PARVG: variants seen among roughly 807,000 people sequenced by gnomAD.
PARVG encodes parvin gamma, also known as gamma-parvin.
In PARVG, 36 loss-of-function variants were observed where a neutral mutation model predicts 44.4. The observed-to-expected ratio is 0.81, with a 90% CI of 0.62 to 1.07. The LOEUF is 1.07. Ranked by LOEUF, PARVG falls within the 50% of genes least tolerant of loss-of-function variation. PARVG has a pLI of 0.00. For synonymous variants in PARVG, 170 were observed against 174.1 expected (o/e 0.98, Z 0.19); for missense variants, 407 against 407.4 (o/e 1.00, Z 0.01).
chr22:44,205,380 C>A (rs557816549), intron 12 of PARVG, among the ~76,000 whole-genome samples: 1 of 152,214 alleles, frequency 6.6e-6, no homozygotes, highest in African/African-American at 2.4e-5. Flanking sequence ...CCCTGCCTGG[C>A]GGGACTCACC....
At chr22:44,197,458 T>C (rs1328716043) in intron 11 of PARVG, among the ~76,000 whole-genome samples, 1 of 152,174 alleles carries the variant, frequency 6.6e-6, no homozygotes, top group African/African-American at 2.4e-5. Flanking sequence ...GGACCTGGGA[T>C]TTGAACCCAG....
In PARVG at chr22:44,204,176, C is replaced by T. The variant is rs1038964249; in HGVS notation, c.814-1581C>T. 4.6e-5 allele frequency among the ~76,000 whole-genome samples: 7 copies of T among 152,166 alleles called. 1 individual carries two copies. The highest frequency in any genetic ancestry group is 2.4e-5 in the African/African-American group (1 of 41,438). On this transcript the variant is annotated intron_variant, in intron 12 of 13. Coordinates refer to ENST00000444313, the MANE Select transcript of PARVG (RefSeq NM_022141.7). ...TTCTTGTTGGCTGACTACAGAGGAG[C>T]GGCCCTGCTGCTGCTGCTGGGCACC...
At position 44,196,321 on chromosome 22, in the gene PARVG, C is replaced by G. The variant is rs770115855; in HGVS notation, c.643-26C>G. 7.4e-6 allele frequency: 12 copies of G among 1,614,046 alleles called. No individual in the cohort carries two copies. The African/African-American group carries it at 1.6e-4, about 22-fold the overall frequency. ...GTCCTCCCATCACACCTGCTGTGTG[C>G]TAGGCCCTTGTTCTTCCCTGGTTAG... On this transcript the variant is annotated intron_variant, in intron 10 of 13. Coordinates refer to ENST00000444313, the MANE Select transcript of PARVG (RefSeq NM_022141.7).
chr22:44,173,889 T>A (rs1416074905), intron 1 of PARVG, among the ~76,000 whole-genome samples: 1 of 152,196 alleles, frequency 6.6e-6, no homozygotes, highest in East Asian at 1.9e-4. Flanking sequence ...GGCCCCCCTG[T>A]GCACTGTGCT....
At chr22:44,191,064 T>C (rs1187486007) in intron 7 of PARVG, among the ~76,000 whole-genome samples, 1 of 152,176 alleles carries the variant, frequency 6.6e-6, no homozygotes, top group Admixed American at 6.5e-5. Context: ...GAGGGTACTG[T>C]CTCCTGTGAG....
At chr22:44,196,297 TC>T (rs1413608470) in intron 10 of PARVG, 49 bp from the exon 11 acceptor site, 1 of 1,613,804 alleles carries the variant, frequency 6.2e-7, no homozygotes, top group South Asian at 1.1e-5. Context: ...GAATCACGGG[TC>T]CTCCCATCAC....
chr22:44,194,751 C>G (rs572032839), intron 9 of PARVG, among the ~76,000 whole-genome samples: 1 of 151,798 alleles, frequency 6.6e-6, no homozygotes, highest in East Asian at 1.9e-4. Context: ...TCCATTCATG[C>G]TTCCATTCAT....
rs1195060906 is a variant in PARVG, at chr22:44,193,831, CT to C, written c.583+11del. ...ACAAGGACGAGCCTCCAAGTGAGTACTTTCATCATTTTTGGAAATCTGTTCC... is the reference window on the plus strand; with the variant it reads ...ACAAGGACGAGCCTCCAAGTGAGTACTTCATCATTTTTGGAAATCTGTTCC... On this transcript the variant is annotated intron_variant, in intron 9 of 13. Transcript: ENST00000444313. 1.2e-6 allele frequency: 2 copies of C among 1,614,106 alleles called. No homozygotes were observed.
intron 12 of PARVG, 137 bp downstream of exon 12, chr22:44,198,859 TATCCATCC>T (rs142865703): frequency 7.6e-6 from 4 of 527,172 alleles, no homozygotes; most frequent in East Asian, 3.1e-5. Flanking sequence ...TATGTCTGCC[TATCCATCC>T]ATCCATCCAT....
chr22:44,186,152 A>G (rs1180900401), intron 4 of PARVG: 2 of 324,612 alleles, frequency 6.2e-6, no homozygotes, highest in Non-Finnish European at 1.2e-5. Context: ...CATCCCGGGG[A>G]CAGGACAGAC....
intron 4 of PARVG, 80 bp downstream of exon 4, chr22:44,185,952 C>A: frequency 7.1e-7 from 1 of 1,405,508 alleles, no homozygotes; most frequent in Non-Finnish European, 9.9e-7. Flanking sequence ...GCGGGGACAG[C>A]AGGCTGTCCC....
chr22:44,173,056 C>T, exon 1 of PARVG: 1 of 1,289,830 alleles, frequency 7.8e-7, no homozygotes, highest in Non-Finnish European at 1.0e-6. Context: ...CCCAGCGCTG[C>T]TTCCCGGGAC....
chr22:44,196,207 G>A lies in PARVG; in HGVS notation c.636G>A (p.Val212=). The A allele has an allele frequency of 2.5e-6, 4 of 1,614,204 alleles. No individual in the cohort carries two copies. The highest frequency in any genetic ancestry group is 3.4e-6 in the Non-Finnish European group (4 of 1,180,016). ...TGGCTCCGGAGAAAGTGAACGCAGT[G>A]AAAGAGGTAGGAGAGATCAAAGCTC... ...FKLAPEKVNA[V]KEAIVNFVNQ... is the part of the protein sequence containing the mutation. Residue 212 remains valine, a synonymous_variant, in exon 10 of 14, where the codon GTG becomes GTA. Transcript: ENST00000444313.
intron 5 of PARVG, 141 bp from the exon 6 acceptor site, chr22:44,188,973 C>T (rs112126025): frequency 2.4e-5 from 26 of 1,100,270 alleles, no homozygotes; most frequent in African/African-American, 2.3e-4. Context: ...GTGAGTGTGG[C>T]CCACGGTCCA....
At position 44,196,191 on chromosome 22, in the gene PARVG, AG is replaced by A. The variant is rs1178145884; in HGVS notation, c.621del (p.Val209Ter). ...GATGAATTATTTAAGCTGGCTCCGG[AG>A]AAAGTGAACGCAGTGAAAGAGGTAG... ...VFDELFKLAP[E>X]KVNAVKEAIV... On this transcript the variant is annotated frameshift_variant, in exon 10 of 14. Coordinates refer to ENST00000444313, the MANE Select transcript of PARVG (RefSeq NM_022141.7). LOFTEE classifies it high-confidence loss of function. 1.2e-6 allele frequency: 2 copies of A among 1,614,038 alleles called. No homozygotes were observed. Among genetic ancestry groups the A allele is most frequent in the Admixed American group, 1.7e-5 (1 of 60,000 alleles).
intron 13 of PARVG, 97 bp downstream of exon 13, chr22:44,205,926 C>T (rs1459804721): frequency 1.1e-5 from 15 of 1,396,652 alleles, no homozygotes; most frequent in Non-Finnish European, 1.4e-5. Context: ...GGGATGAGCA[C>T]GCATTGGCAG....
chr22:44,193,522 T>A (rs535469479), intron 8 of PARVG, among the ~76,000 whole-genome samples: 1 of 152,300 alleles, frequency 6.6e-6, no homozygotes, highest in East Asian at 1.9e-4. Flanking sequence ...GTGTGTGATG[T>A]ATCTCCCTCA....
rs1461026381 is a variant in PARVG, at chr22:44,198,698, C to T, written c.789C>T (p.Leu263=). The change falls in exon 12 of 14, where the codon CTC becomes CTT. Residue 263 remains leucine, a synonymous_variant. Coordinates refer to ENST00000444313, the MANE Select transcript of PARVG (RefSeq NM_022141.7). ...TCCTGCACTTAAAGGAATTCTACCT[C>T]ACTCCCAACTCTCCTGCAGAAATGG... is the stretch of plus-strand genomic sequence containing the variant. ...GFFLHLKEFY[L]TPNSPAEMLH... 2 of 1,612,580 alleles carry T rather than the reference C, an allele frequency of 1.2e-6. No homozygotes were observed. Among genetic ancestry groups the T allele is most frequent in the Non-Finnish European group, 1.7e-6 (2 of 1,178,714 alleles).
upstream of PARVG, among the ~76,000 whole-genome samples, chr22:44,180,332 C>A (rs763868189): frequency 6.6e-6 from 1 of 152,192 alleles, no homozygotes; most frequent in Admixed American, 6.5e-5. Context: ...GTTCCTTTAA[C>A]CCTGCCCCAG....
Sources: gnomAD v4.1 joint callset for allele counts (sites outside exome capture counted in the v4.1 genomes callset) on GRCh38, gnomAD v4.1.1 for gene constraint, MANE v1.5 for transcripts, NCBI Gene and HGNC (gene_info 2026-07-23, HGNC 2026-07-21) for gene names.